The following MAPK10 variants were observed in gnomAD, a reference collection of about 807,000 sequenced individuals.
MAPK10 encodes mitogen-activated protein kinase 10.
In MAPK10, 25 loss-of-function variants were observed where a neutral mutation model predicts 59.3. The observed-to-expected ratio is 0.42, with a 90% CI of 0.31 to 0.59. The LOEUF is 0.59. Ranked by LOEUF, MAPK10 falls within the 20% of genes least tolerant of loss-of-function variation. The probability of loss-of-function intolerance (pLI) is 0.15; values close to 1 mark genes in which losing one functional copy is unlikely to be tolerated. For missense variants in MAPK10, 351 were observed against 568.9 expected (o/e 0.62, Z 3.90); for synonymous variants, 190 against 200.5 (o/e 0.95, Z 0.44).
chr4:86,530,105 C>G (rs1367096200), intron 1 of MAPK10, among the ~76,000 whole-genome samples: 1 of 140,570 alleles, frequency 7.1e-6, no homozygotes, highest in Admixed American at 7.5e-5. Context: ...CTTCCTGGCT[C>G]TATCTGAGAT....
intron 13 of MAPK10, among the ~76,000 whole-genome samples, chr4:86,022,778 G>T (rs1251470601): frequency 6.6e-6 from 1 of 152,018 alleles, no homozygotes; most frequent in Non-Finnish European, 1.5e-5. Context: ...CAAAATGCTG[G>T]GTCTACAGGC....
chr4:86,186,286 G>A (rs2078208017), intron 3 of MAPK10, among the ~76,000 whole-genome samples: 1 of 152,088 alleles, frequency 6.6e-6, no homozygotes, highest in African/African-American at 2.4e-5. Context: ...TTCTAACCAA[G>A]GCTGTCTAGC....
chr4:86,223,569 C>A (rs1183371282), intron 2 of MAPK10, among the ~76,000 whole-genome samples: 1 of 152,208 alleles, frequency 6.6e-6, no homozygotes, highest in Admixed American at 6.5e-5. Context: ...TCAGCACTTC[C>A]ACTGAGGCCT....
intron 4 of MAPK10, 91 bp from the exon 5 acceptor site, chr4:86,107,443 C>T: frequency 1.3e-6 from 2 of 1,499,966 alleles, no homozygotes; most frequent in South Asian, 1.4e-5. Flanking sequence ...AAAGAAAATG[C>T]TATTTCGGAA....
At chr4:86,358,103 T>A in intron 1 of MAPK10, 4 of 985,368 alleles carry the variant, frequency 4.1e-6, no homozygotes, top group Non-Finnish European at 4.8e-6. Context: ...AACCGCTACA[T>A]CCAAAGCATC....
At chr4:86,400,678 T>A (rs1022818176) in intron 1 of MAPK10, among the ~76,000 whole-genome samples, 2 of 152,146 alleles carry the variant, frequency 1.3e-5, no homozygotes, top group Non-Finnish European at 2.9e-5. Flanking sequence ...TATAATTCTA[T>A]AAGATGTTAC....
chr4:86,322,617 C>G (rs1387641057), intron 2 of MAPK10, among the ~76,000 whole-genome samples: 1 of 152,136 alleles, frequency 6.6e-6, no homozygotes, highest in Non-Finnish European at 1.5e-5. Flanking sequence ...TGACTAAGTG[C>G]CCAGTTCTGA....
chr4:86,277,090 A>G (rs1383829894), intron 2 of MAPK10: 1 of 151,050 alleles, frequency 6.6e-6, no homozygotes, highest in African/African-American at 2.4e-5. Flanking sequence ...AACCAGAAAT[A>G]TGTTGGATCC....
chr4:86,321,028 T>C (rs1202183440), intron 2 of MAPK10, among the ~76,000 whole-genome samples: 6 of 152,036 alleles, frequency 3.9e-5, no homozygotes, highest in Admixed American at 6.6e-5. Context: ...ATCAAAACCA[T>C]AATGAGATAC....
At chr4:86,046,937 T>C (rs140532251) in intron 11 of MAPK10, among the ~76,000 whole-genome samples, 94 of 152,176 alleles carry the variant, frequency 6.2e-4, no homozygotes, top group African/African-American at 2.1e-3. Context: ...ATGAGACAGA[T>C]AATAAAAAGA....
chr4:86,062,194 A>G (rs543401492), intron 11 of MAPK10, among the ~76,000 whole-genome samples: 16 of 152,118 alleles, frequency 1.1e-4, no homozygotes, highest in Non-Finnish European at 2.4e-4. Context: ...TGTATAATCA[A>G]TGATCTGAGT....
intron 1 of MAPK10, among the ~76,000 whole-genome samples, chr4:86,541,536 G>A (rs755563361): frequency 6.6e-6 from 1 of 152,174 alleles, no homozygotes; most frequent in Non-Finnish European, 1.5e-5. Flanking sequence ...TGAGAGGGAG[G>A]CTGAACTTCA....
intron 2 of MAPK10, among the ~76,000 whole-genome samples, chr4:86,203,478 C>T (rs540159743): frequency 2.0e-5 from 3 of 151,500 alleles, no homozygotes; most frequent in Non-Finnish European, 3.0e-5. Flanking sequence ...CTCCAGGATT[C>T]CATGGTTTGT....
At chr4:86,291,446 T>C (rs1316652559) in intron 2 of MAPK10, among the ~76,000 whole-genome samples, 1 of 152,144 alleles carries the variant, frequency 6.6e-6, no homozygotes, top group Non-Finnish European at 1.5e-5. Context: ...TGCTTCTTAG[T>C]GAAAAGGCCC....
intron 1 of MAPK10, among the ~76,000 whole-genome samples, chr4:86,401,658 A>G (rs1743743839): frequency 1.3e-5 from 2 of 152,130 alleles, no homozygotes; most frequent in African/African-American, 2.4e-5. Context: ...TATAATCTCT[A>G]TGTCTATTTT....
At chr4:86,029,130 A>G in intron 13 of MAPK10, 67 bp downstream of exon 13, 1 of 967,814 alleles carries the variant, frequency 1.0e-6, no homozygotes, top group Non-Finnish European at 1.7e-6. Flanking sequence ...ATTTCTTGCA[A>G]CCCCTACACA....
At chr4:86,070,213 C>A (rs1348635635) in intron 9 of MAPK10, among the ~76,000 whole-genome samples, 1 of 152,054 alleles carries the variant, frequency 6.6e-6, no homozygotes, top group Non-Finnish European at 1.5e-5. Flanking sequence ...TTTAACCAAT[C>A]CATTTCAAGA....
intron 1 of MAPK10, among the ~76,000 whole-genome samples, chr4:86,451,113 A>C (rs1750650404): frequency 6.6e-6 from 1 of 152,200 alleles, no homozygotes; most frequent in African/African-American, 2.4e-5. Flanking sequence ...CCCACTGAGG[A>C]TCTCAGAGAG....
rs1170876396 is a variant in MAPK10 at position 86,304,547 on chromosome 4, C to CACA, written c.-7+49982_-7+49983insTGT. On this transcript the variant is annotated intron_variant, in intron 2 of 13. Transcript: ENST00000641462. ...AGCTGGGACTACAGGCGCCCGCCAC[C>CACA]GCGCCCGGCTAATTTTTTGTATTTT... Among the ~76,000 whole-genome samples, 887 of 151,460 alleles carry CACA rather than the reference C, an allele frequency of 5.9e-3. 9 individuals are homozygous for CACA. The highest frequency in any genetic ancestry group is 0.02 in the African/African-American group (847 of 41,390).
Sources: allele counts gnomAD v4.1 joint callset (sites outside exome capture counted in the v4.1 genomes callset), GRCh38; gene constraint gnomAD v4.1.1; transcripts MANE v1.5; gene names NCBI Gene and HGNC (gene_info 2026-07-23, HGNC 2026-07-21).